Variants in ROBO2 observed in about 807,000 individuals in gnomAD.
The protein encoded by ROBO2 is roundabout guidance receptor 2, also known as roundabout homolog 2.
A neutral mutation model predicts 160.8 loss-of-function variants in ROBO2; 53 were observed. The observed-to-expected ratio is 0.33, with a 90% CI of 0.26 to 0.41. The LOEUF is 0.41. Ranked by LOEUF, ROBO2 falls within the 10% of genes least tolerant of loss-of-function variation. The pLI is 1.00. For missense variants in ROBO2, 1,577 were observed against 1,722.4 expected (o/e 0.92, Z 1.49); for synonymous variants, 664 against 611.7 (o/e 1.09, Z -1.26).
intron 2 of ROBO2, among the ~76,000 whole-genome samples, chr3:77,113,837 A>C (rs930991395): frequency 6.6e-6 from 1 of 152,248 alleles, no homozygotes; most frequent in African/African-American, 2.4e-5. Context: ...TATAGGATTA[A>C]ATCAGAAAAT....
chr3:76,569,028 A>G (rs539245400), intron 2 of ROBO2, among the ~76,000 whole-genome samples: 12 of 152,310 alleles, frequency 7.9e-5, no homozygotes, highest in Admixed American at 3.3e-4. Context: ...CGATTATTCA[A>G]TGACTTGATA....
At chr3:77,515,781 G>A (rs914242497) in intron 5 of ROBO2, among the ~76,000 whole-genome samples, 1 of 151,670 alleles carries the variant, frequency 6.6e-6, no homozygotes, top group Non-Finnish European at 1.5e-5. Context: ...TGCGCCAGAA[G>A]ACTTAGATTC....
Position 77,089,392 on chromosome 3 carries a change from C to T in ROBO2, c.62-8622C>T, listed in dbSNP as rs537057758. On this transcript the variant is annotated intron_variant, in intron 1 of 25. Coordinates refer to ENST00000461745, the Ensembl canonical transcript of ROBO2. ...GGAAAGCAAGGTCACAGAGATGTTG[C>T]AGGGTGCTATTTTGTACAACTGGAA... is the stretch of plus-strand genomic sequence containing the variant. 7.2e-4 allele frequency among the ~76,000 whole-genome samples: 110 copies of T among 152,268 alleles called. 1 individual carries two copies. Among genetic ancestry groups the T allele is most frequent in the African/African-American group, 2.6e-3 (108 of 41,576 alleles).
chr3:77,429,612 GTTTT>G (rs34071759), intron 2 of ROBO2, among the ~76,000 whole-genome samples: 24 of 145,288 alleles, frequency 1.7e-4, no homozygotes, highest in African/African-American at 3.0e-4. Flanking sequence ...AAAAAGCAGG[GTTTT>G]TTTTTTTTTT....
chr3:75,962,122 G>A (rs563073697), intron 2 of ROBO2, among the ~76,000 whole-genome samples: 11 of 151,514 alleles, frequency 7.3e-5, no homozygotes, highest in African/African-American at 2.7e-4. Flanking sequence ...AATTAGAGAA[G>A]TTTCTAATAA....
intron 2 of ROBO2, among the ~76,000 whole-genome samples, chr3:77,451,960 C>T (rs112796616): frequency 2.3e-3 from 355 of 152,046 alleles, no homozygotes; most frequent in Middle Eastern, 0.014. Context: ...TGATGTTCCC[C>T]TTCCTGTGTC....
intron 2 of ROBO2, among the ~76,000 whole-genome samples, chr3:76,580,342 G>GTTTTTTTTTTGTT (rs2085604163): frequency 8.8e-5 from 8 of 90,558 alleles, no homozygotes; most frequent in Non-Finnish European, 1.4e-4. Context: ...TTTTTTTTGT[G>GTTTTTTTTTTGTT]TTTTTTTTTT....
intron 2 of ROBO2, among the ~76,000 whole-genome samples, chr3:76,516,978 T>G (rs3901063): frequency 6.6e-6 from 1 of 152,022 alleles, no homozygotes; most frequent in African/African-American, 2.4e-5. Context: ...AGTGAAAGAA[T>G]GGAGATGAGA....
chr3:75,950,436 A>G (rs1379404766), intron 2 of ROBO2, among the ~76,000 whole-genome samples: 1 of 152,142 alleles, frequency 6.6e-6, no homozygotes, highest in Non-Finnish European at 1.5e-5. Context: ...TATAAATAGA[A>G]TATGAAAATT....
intron 2 of ROBO2, among the ~76,000 whole-genome samples, chr3:76,823,849 G>A (rs2066334228): frequency 6.6e-6 from 1 of 152,138 alleles, no homozygotes; most frequent in African/African-American, 2.4e-5. Flanking sequence ...GTTGGATGGA[G>A]GCATAAGAAA....
chr3:77,273,454 T>C (rs1011038883), intron 2 of ROBO2, among the ~76,000 whole-genome samples: 3 of 152,188 alleles, frequency 2.0e-5, no homozygotes, highest in East Asian at 1.9e-4. Context: ...TATTCACGGA[T>C]CTGAGTCTTA....
At chr3:76,726,211 G>T (rs79378908) in intron 2 of ROBO2, among the ~76,000 whole-genome samples, 1 of 152,202 alleles carries the variant, frequency 6.6e-6, no homozygotes, top group East Asian at 1.9e-4. Context: ...CTTGTAAACA[G>T]TGTACCTGTC....
intron 4 of ROBO2, among the ~76,000 whole-genome samples, chr3:77,483,701 G>GTA: frequency 6.8e-6 from 1 of 147,892 alleles, no homozygotes; most frequent in East Asian, 2.0e-4. Flanking sequence ...AAAAAAATAA[G>GTA]TATATATATT....
intron 2 of ROBO2, among the ~76,000 whole-genome samples, chr3:77,034,178 T>A (rs1275973603): frequency 2.0e-5 from 3 of 151,948 alleles, no homozygotes; most frequent in Non-Finnish European, 4.4e-5. Flanking sequence ...TGAAATGTTA[T>A]GATATGAAGT....
chr3:76,662,780 G>A (rs1241862176), intron 2 of ROBO2, among the ~76,000 whole-genome samples: 2 of 152,112 alleles, frequency 1.3e-5, no homozygotes, highest in African/African-American at 4.8e-5. Context: ...GAGTCAGGAA[G>A]GAAAACAGTA....
At chr3:77,112,965 GC>G (rs1308832768) in intron 2 of ROBO2, among the ~76,000 whole-genome samples, 9 of 152,180 alleles carry the variant, frequency 5.9e-5, no homozygotes, top group Non-Finnish European at 1.3e-4. Flanking sequence ...CAGTTCTGAT[GC>G]CCTTTCAGTT....
chr3:76,601,561 C>T (rs1038772777), intron 2 of ROBO2, among the ~76,000 whole-genome samples: 4 of 152,202 alleles, frequency 2.6e-5, no homozygotes, highest in African/African-American at 7.2e-5. Flanking sequence ...GAATCAAAAG[C>T]CCAAGCTGTA....
intron 2 of ROBO2, among the ~76,000 whole-genome samples, chr3:75,985,836 A>G (rs1166401887): frequency 6.6e-6 from 1 of 151,674 alleles, no homozygotes; most frequent in East Asian, 1.9e-4. Context: ...AATTTAGCAT[A>G]ATGACCTCAA....
At chr3:77,127,116 C>T (rs1451092077) in intron 2 of ROBO2, among the ~76,000 whole-genome samples, 2 of 151,982 alleles carry the variant, frequency 1.3e-5, no homozygotes, top group Admixed American at 1.3e-4. Flanking sequence ...TAATGAAAAA[C>T]AAGGTAGAAA....
Sources: gnomAD v4.1 joint callset for allele counts (sites outside exome capture counted in the v4.1 genomes callset) on GRCh38, gnomAD v4.1.1 for gene constraint, MANE v1.5 for transcripts, NCBI Gene and HGNC (gene_info 2026-07-23, HGNC 2026-07-21) for gene names.